Variants in GREB1L observed in about 807,000 individuals in gnomAD.
GREB1L encodes the protein GREB1 like retinoic acid receptor coactivator.
Under a neutral mutation model 200.8 loss-of-function variants are expected in GREB1L, and 17 were observed. That is an observed-to-expected ratio of 0.08 (90% confidence interval 0.06 to 0.13). GREB1L has a LOEUF of 0.13. Ranked by LOEUF, GREB1L falls within the 10% of genes least tolerant of loss-of-function variation. GREB1L has a pLI of 1.00. For synonymous variants in GREB1L, 789 were observed against 893.0 expected (o/e 0.88, Z 2.08); for missense variants, 1,657 against 2,367.7 (o/e 0.70, Z 6.23).
chr18:21,449,407 G>A (rs928753870), intron 11 of GREB1L, 103 bp from the exon 12 acceptor site: 57 of 645,696 alleles, frequency 8.8e-5, no homozygotes, highest in Middle Eastern at 2.5e-4. Context: ...TCTAGTTGGA[G>A]TATGTATGAT....
intron 1 of GREB1L, among the ~76,000 whole-genome samples, chr18:21,332,855 A>C (rs1365216078): frequency 6.6e-6 from 1 of 152,034 alleles, no homozygotes; most frequent in African/African-American, 2.4e-5. Flanking sequence ...CTGAGATGGT[A>C]GAATCACTTG....
intron 1 of GREB1L, among the ~76,000 whole-genome samples, chr18:21,316,248 A>G (rs1252383884): frequency 1.3e-5 from 2 of 152,086 alleles, no homozygotes; most frequent in Non-Finnish European, 2.9e-5. Context: ...ATTTTTTGAT[A>G]TAGGGTCTCA....
chr18:21,253,343 A>C (rs1366970021), intron 1 of GREB1L, among the ~76,000 whole-genome samples: 1 of 146,344 alleles, frequency 6.8e-6, no homozygotes. Flanking sequence ...ACCTCCACCT[A>C]CCGGGTTCAA....
intron 2 of GREB1L, among the ~76,000 whole-genome samples, chr18:21,368,589 A>G (rs576505513): frequency 7.9e-5 from 12 of 152,346 alleles, no homozygotes; most frequent in African/African-American, 2.6e-4. Flanking sequence ...CAGGTTAAAT[A>G]ATTCAAATAT....
At chr18:21,275,509 T>C (rs2038147839) in intron 1 of GREB1L, among the ~76,000 whole-genome samples, 1 of 151,896 alleles carries the variant, frequency 6.6e-6, no homozygotes, top group African/African-American at 2.4e-5. Context: ...CAAAATTAGC[T>C]GGGCGTGGTG....
chr18:21,279,944 C>G (rs772782024), intron 1 of GREB1L, among the ~76,000 whole-genome samples: 19 of 152,150 alleles, frequency 1.2e-4, no homozygotes, highest in Non-Finnish European at 2.4e-4. Flanking sequence ...CCCAAATATA[C>G]CGTTTTGAAC....
intron 7 of GREB1L, among the ~76,000 whole-genome samples, chr18:21,415,241 C>T (rs1003745824): frequency 3.3e-5 from 5 of 152,178 alleles, no homozygotes; most frequent in South Asian, 2.1e-4. Context: ...TCAAGCCAAG[C>T]GTGGTGGCTC....
At chr18:21,407,818 A>G (rs1489467876) in intron 7 of GREB1L, among the ~76,000 whole-genome samples, 2 of 152,226 alleles carry the variant, frequency 1.3e-5, no homozygotes, top group Non-Finnish European at 1.5e-5. Flanking sequence ...ATTTGCAGGA[A>G]CATGGATGGA....
rs527440010 is a variant in GREB1L, at chr18:21,440,189, T to C, written c.950-80T>C. ...AATTAAAGGTTCTGTATTACTTATA[T>C]TACTCTGGCGTTCTTTCCTTTCTTC... On this transcript the variant is annotated intron_variant, in intron 8 of 32. Transcript: ENST00000424526. 17 of 1,395,200 alleles carry C rather than the reference T, an allele frequency of 1.2e-5. No individual in the cohort carries two copies. The East Asian group carries it at 3.5e-4, about 29-fold the overall frequency. The allele number at this position is 1,395,200 out of a possible 1,614,324, so 86.4% of individuals were successfully genotyped here. A position where few individuals can be genotyped will look rare whatever the true frequency, so the allele number is the denominator to read the frequency against.
chr18:21,447,759 C>T (rs559430982), intron 11 of GREB1L, among the ~76,000 whole-genome samples: 1 of 152,234 alleles, frequency 6.6e-6, no homozygotes, highest in African/African-American at 2.4e-5. Flanking sequence ...TACCTAGTGA[C>T]AATTAACCAT....
intron 2 of GREB1L, among the ~76,000 whole-genome samples, chr18:21,371,008 C>T (rs759365246): frequency 3.3e-5 from 5 of 152,032 alleles, no homozygotes; most frequent in Non-Finnish European, 5.9e-5. Context: ...ATTGCTTGAG[C>T]CCACGAGGTG....
intron 1 of GREB1L, among the ~76,000 whole-genome samples, chr18:21,308,621 C>T (rs1031192645): frequency 6.6e-6 from 1 of 152,188 alleles, no homozygotes; most frequent in Non-Finnish European, 1.5e-5. Flanking sequence ...TTCAGCCTGC[C>T]GGTGTCTCTC....
intron 7 of GREB1L, among the ~76,000 whole-genome samples, chr18:21,432,513 T>A (rs933314500): frequency 2.6e-5 from 4 of 151,990 alleles, no homozygotes; most frequent in African/African-American, 9.7e-5. Context: ...GGTACAACTT[T>A]ATTTTTTTCC....
intron 7 of GREB1L, among the ~76,000 whole-genome samples, chr18:21,421,720 A>T (rs1443422396): frequency 6.6e-6 from 1 of 152,208 alleles, no homozygotes; most frequent in Non-Finnish European, 1.5e-5. Context: ...TTTGCAGATC[A>T]TGAAACAGAC....
chr18:21,265,420 C>G (rs1268999272), intron 1 of GREB1L, among the ~76,000 whole-genome samples: 1 of 152,068 alleles, frequency 6.6e-6, no homozygotes, highest in Admixed American at 6.5e-5. Context: ...GCTTGAATTC[C>G]TATCTGTAAA....
intron 1 of GREB1L, among the ~76,000 whole-genome samples, chr18:21,365,103 G>A (rs556702381): frequency 3.3e-5 from 5 of 151,678 alleles, no homozygotes; most frequent in South Asian, 2.1e-4. Flanking sequence ...ATTTTTATTC[G>A]AAAAATCTAA....
chr18:21,490,655 G>A (rs1279729112), intron 19 of GREB1L, among the ~76,000 whole-genome samples: 1 of 152,128 alleles, frequency 6.6e-6, no homozygotes, highest in Non-Finnish European at 1.5e-5. Flanking sequence ...CAAGATGCAT[G>A]TAGCCCATGG....
At chr18:21,470,501 G>T (rs2035441529) in intron 15 of GREB1L, among the ~76,000 whole-genome samples, 1 of 151,910 alleles carries the variant, frequency 6.6e-6, no homozygotes, top group South Asian at 2.1e-4. Flanking sequence ...TACTGTAAAT[G>T]TTTTTTTAAA....
chr18:21,254,640 G>T (rs72879487), intron 1 of GREB1L, among the ~76,000 whole-genome samples: 2,234 of 152,194 alleles, frequency 0.015, 25 homozygotes, highest in South Asian at 0.024. Context: ...ATTTCTCAGG[G>T]TGGCAGGAAG....
Sources: gnomAD v4.1 joint callset for allele counts (sites outside exome capture counted in the v4.1 genomes callset) on GRCh38, gnomAD v4.1.1 for gene constraint, MANE v1.5 for transcripts, NCBI Gene and HGNC (gene_info 2026-07-23, HGNC 2026-07-21) for gene names.